Variants in SGMS2 observed in about 807,000 individuals in gnomAD.
The protein encoded by SGMS2 is phosphatidylcholine:ceramide cholinephosphotransferase 2.
A neutral mutation model predicts 43.8 loss-of-function variants in SGMS2; 21 were observed. That is an observed-to-expected ratio of 0.48 (90% confidence interval 0.34 to 0.69). The LOEUF is 0.69. Among genes scored for constraint, SGMS2 ranks in the 30% least tolerant of loss-of-function variants. SGMS2 has a pLI of 0.01. For synonymous variants in SGMS2, 167 were observed against 160.6 expected (o/e 1.04, Z -0.30); for missense variants, 384 against 443.2 (o/e 0.87, Z 1.20).
chr4:107,855,165 A>G (rs903719595), intron 1 of SGMS2, among the ~76,000 whole-genome samples: 1 of 152,086 alleles, frequency 6.6e-6, no homozygotes, highest in Non-Finnish European at 1.5e-5. Flanking sequence ...TGATGTCTTT[A>G]TTAGTATTAA....
chr4:107,853,656 GAGTT>G (rs1224033030), intron 1 of SGMS2, among the ~76,000 whole-genome samples: 1 of 152,196 alleles, frequency 6.6e-6, no homozygotes, highest in Non-Finnish European at 1.5e-5. Context: ...TATAAAATGG[GAGTT>G]AGTCAGTGAA....
chr4:107,909,031 G>C (rs1173343739), intron 6 of SGMS2, among the ~76,000 whole-genome samples: 2 of 151,948 alleles, frequency 1.3e-5, no homozygotes, highest in Non-Finnish European at 2.9e-5. Flanking sequence ...TAAAAGCATT[G>C]TAGTGCAGCT....
intron 2 of SGMS2, among the ~76,000 whole-genome samples, chr4:107,860,840 C>T (rs947548799): frequency 4.6e-5 from 7 of 152,140 alleles, no homozygotes; most frequent in African/African-American, 1.7e-4. Flanking sequence ...TTTCTTATTA[C>T]ATATCTACTA....
At chr4:107,870,983 G>A (rs1292463532) in intron 2 of SGMS2, among the ~76,000 whole-genome samples, 1 of 152,176 alleles carries the variant, frequency 6.6e-6, no homozygotes, top group Non-Finnish European at 1.5e-5. Context: ...TGAACATTGA[G>A]TTTGTAATGT....
intron 5 of SGMS2, among the ~76,000 whole-genome samples, chr4:107,906,128 A>G (rs1466136377): frequency 6.6e-6 from 1 of 152,204 alleles, no homozygotes; most frequent in Non-Finnish European, 1.5e-5. Flanking sequence ...TCTTGTTCTG[A>G]GTAAGCAGTG....
chr4:107,895,734 C>G lies in SGMS2; in HGVS notation c.181C>G (p.Gln61Glu), dbSNP rs1158952966. Residue 61 changes from glutamine to glutamate, a missense_variant, in exon 3 of 7, where the codon CAA (glutamine) becomes GAA (glutamate). Gln to Glu is a conservative substitution (Grantham distance 29). Coordinates refer to ENST00000690982, the MANE Select transcript of SGMS2 (RefSeq NM_001375905.1). ...CACCAAAAAGTACCCGGACTATATC[C>G]AAATTGCTATGCCCACTGAATCAAG... The part of the protein sequence containing the change: ...KGTKKYPDYI[Q>E]IAMPTESRNK... 6.2e-7 allele frequency: 1 copy of G among 1,613,922 alleles called. No homozygotes were observed. The highest frequency in any genetic ancestry group is 1.1e-5 in the South Asian group (1 of 91,084).
intron 4 of SGMS2, among the ~76,000 whole-genome samples, chr4:107,901,628 A>G (rs1442716086): frequency 6.6e-6 from 1 of 152,136 alleles, no homozygotes. Context: ...TATGTATCCT[A>G]TGGTTCACTT....
chr4:107,844,719 C>T (rs1726715596), intron 1 of SGMS2, among the ~76,000 whole-genome samples: 1 of 152,058 alleles, frequency 6.6e-6, no homozygotes, highest in Admixed American at 6.6e-5. Context: ...AAAAATGTGT[C>T]TATTCTCATT....
At chr4:107,890,468 A>C (rs922680406) in intron 2 of SGMS2, among the ~76,000 whole-genome samples, 10 of 152,158 alleles carry the variant, frequency 6.6e-5, no homozygotes, top group Admixed American at 2.0e-4. Context: ...TGAGGTCAGG[A>C]GTTCAAGACC....
intron 1 of SGMS2, among the ~76,000 whole-genome samples, chr4:107,831,637 T>A (rs1229205671): frequency 6.6e-6 from 1 of 152,224 alleles, no homozygotes; most frequent in African/African-American, 2.4e-5. Context: ...AATGGAACCA[T>A]TCTTTCTCGT....
chr4:107,858,011 C>CG (rs57710878), intron 1 of SGMS2, among the ~76,000 whole-genome samples: 1 of 122,340 alleles, frequency 8.2e-6, no homozygotes, highest in East Asian at 2.4e-4. Context: ...AGCTGCCCCA[C>CG]CCCCCCCATC....
At chr4:107,863,764 T>C (rs1298426990) in intron 2 of SGMS2, 1 of 152,208 alleles carries the variant, frequency 6.6e-6, no homozygotes, top group African/African-American at 2.4e-5. Context: ...ATAATAAAAA[T>C]GCAGTCACAA....
At chr4:107,849,116 A>T (rs1169815896) in intron 1 of SGMS2, among the ~76,000 whole-genome samples, 1 of 152,088 alleles carries the variant, frequency 6.6e-6, no homozygotes, top group Non-Finnish European at 1.5e-5. Context: ...AGAGAAACAG[A>T]CTGGTTCTCT....
At chr4:107,839,082 A>G (rs76692865) in intron 1 of SGMS2, among the ~76,000 whole-genome samples, 6,164 of 151,988 alleles carry the variant, frequency 0.041, 427 homozygotes, top group African/African-American at 0.14. Context: ...CTTTTTTGGG[A>G]GTCATATATG....
At chr4:107,838,939 T>A (rs1726346100) in intron 1 of SGMS2, among the ~76,000 whole-genome samples, 1 of 152,142 alleles carries the variant, frequency 6.6e-6, no homozygotes, top group Non-Finnish European at 1.5e-5. Context: ...AGGATATCTT[T>A]GCCCAGAATT....
Position 107,895,644 on chromosome 4 carries a change from G to A in SGMS2, c.91G>A (p.Val31Ile), listed in dbSNP as rs1730601779. 1.2e-6 allele frequency: 2 copies of A among 1,613,906 alleles called. No homozygotes were observed. Among genetic ancestry groups the A allele is most frequent in the Non-Finnish European group, 8.5e-7 (1 of 1,179,958 alleles). ...TNTYARPAEP[V>I]EEENKNGNGK... ...CACTTATGCAAGACCCGCTGAACCT[G>A]TTGAAGAAGAAAACAAAAATGGCAA... The change falls in exon 3 of 7, where the codon GTT becomes ATT. Residue 31 changes from valine (V) to isoleucine (I), a missense_variant. Val to Ile is a conservative substitution (Grantham distance 29, BLOSUM62 3). Transcript: ENST00000690982.
At chr4:107,891,797 C>T (rs961546574) in intron 2 of SGMS2, among the ~76,000 whole-genome samples, 10 of 151,924 alleles carry the variant, frequency 6.6e-5, no homozygotes, top group Non-Finnish European at 2.9e-5. Flanking sequence ...TTTTATTATG[C>T]AAATGGATTA....
chr4:107,826,812 A>G (rs1260034083), intron 1 of SGMS2, among the ~76,000 whole-genome samples: 1 of 152,222 alleles, frequency 6.6e-6, no homozygotes, highest in African/African-American at 2.4e-5. Flanking sequence ...TAAAAGCCCT[A>G]GGAAATGTTT....
chr4:107,892,888 C>T (rs1220579849), intron 2 of SGMS2, among the ~76,000 whole-genome samples: 12 of 151,860 alleles, frequency 7.9e-5, no homozygotes, highest in Non-Finnish European at 5.9e-5. Context: ...TTTGGGACCC[C>T]GAGATATTTT....
Sources: allele counts gnomAD v4.1 joint callset (sites outside exome capture counted in the v4.1 genomes callset), GRCh38; gene constraint gnomAD v4.1.1; transcripts MANE v1.5; gene names NCBI Gene and HGNC (gene_info 2026-07-23, HGNC 2026-07-21).